The following NLRP5 variants were observed in gnomAD, a reference collection of about 807,000 sequenced individuals.
NLRP5 encodes NACHT, LRR and PYD domains-containing protein 5.
In NLRP5, 93 loss-of-function variants were observed where a neutral mutation model predicts 113.1. The observed-to-expected ratio is 0.82, with a 90% CI of 0.70 to 0.98. NLRP5 has a LOEUF of 0.98. NLRP5 is among the 50% of genes least tolerant of loss of function. NLRP5 has a pLI of 0.00. For missense variants in NLRP5, 1,808 were observed against 1,514.3 expected (o/e 1.19, Z -3.22); for synonymous variants, 751 against 600.7 (o/e 1.25, Z -3.66).
rs573553831 is a variant in NLRP5 at position 56,025,687 on chromosome 19, G to A, written c.680-1226G>A. On this transcript the variant is annotated intron_variant, in intron 6 of 14. Coordinates refer to ENST00000390649, the MANE Select transcript of NLRP5 (RefSeq NM_153447.4). ...AGCCTCCCAAAGTGCTGGGATTACA[G>A]GGGTGAGCCAGCACATCCGGCCATT... Among the ~76,000 whole-genome samples the A allele has an allele frequency of 8.1e-3, 1,237 of 152,152 alleles. 13 individuals carry two copies. Among genetic ancestry groups the A allele is most frequent in the South Asian group, 0.016 (79 of 4,814 alleles).
intron 12 of NLRP5, among the ~76,000 whole-genome samples, chr19:56,052,758 A>G (rs1476855017): frequency 6.6e-6 from 1 of 152,186 alleles, no homozygotes; most frequent in Non-Finnish European, 1.5e-5. Context: ...ATTTTTCCTA[A>G]GAATAGAAGC....
intron 14 of NLRP5, among the ~76,000 whole-genome samples, chr19:56,060,509 C>T (rs1161121674): frequency 7.2e-5 from 11 of 152,074 alleles, no homozygotes; most frequent in Non-Finnish European, 1.6e-4. Context: ...AGTAGTTTTG[C>T]TTAAAGTCAC....
At chr19:55,988,144 C>G in the NLRP5 span, 2 of 351,390 alleles carry the variant, frequency 5.7e-6, no homozygotes, top group Middle Eastern at 1.8e-3. Flanking sequence ...TGTAACCCAG[C>G]ACTATGGGAG....
At chr19:56,035,420 C>T (rs1296304360) in intron 9 of NLRP5, among the ~76,000 whole-genome samples, 1 of 152,228 alleles carries the variant, frequency 6.6e-6, no homozygotes, top group Non-Finnish European at 1.5e-5. Flanking sequence ...TGCCTGACAT[C>T]GTGTGGGGTT....
intron 10 of NLRP5, among the ~76,000 whole-genome samples, chr19:56,039,599 C>T (rs1206065893): frequency 1.3e-5 from 2 of 152,140 alleles, no homozygotes; most frequent in East Asian, 3.9e-4. Flanking sequence ...TTTCTGGAAT[C>T]ACTTCAGTGC....
intron 7 of NLRP5, among the ~76,000 whole-genome samples, chr19:56,029,950 G>T (rs1983029387): frequency 6.6e-6 from 1 of 151,514 alleles, no homozygotes; most frequent in South Asian, 2.1e-4. Flanking sequence ...AGCTACTCAG[G>T]ACGTTGAGGC....
rs1984347025 is a variant in NLRP5, at chr19:56,061,397, C to G, written c.3472C>G (p.Leu1158Val). 6.2e-7 allele frequency: 1 copy of G among 1,613,624 alleles called. No homozygotes were observed. The highest frequency in any genetic ancestry group is 8.5e-7 in the Non-Finnish European group (1 of 1,179,686). Reference sequence around the variant, plus strand: ...CGAGTCCTCTCTCTGCCTCCCCAGGCTGTGGAAATGGCAGTACCCTGTGCA... The same window carrying G: ...CGAGTCCTCTCTCTGCCTCCCCAGGGTGTGGAAATGGCAGTACCCTGTGCA... Residue 1158 changes from leucine (L) to valine (V), a missense_variant and splice_region_variant, in exon 15 of 15, where the codon CTG (leucine) becomes GTG (valine). By Grantham distance (32) the Leu-to-Val change is conservative. Transcript: ENST00000390649.
chr19:56,005,527 C>T (rs1224801729), intron 2 of NLRP5, among the ~76,000 whole-genome samples: 1 of 126,090 alleles, frequency 7.9e-6, no homozygotes, highest in Non-Finnish European at 1.7e-5. Context: ...TTTATACACA[C>T]ACACGCACAC....
At chr19:56,042,969 ATGTGTG>A (rs80248924) in intron 11 of NLRP5, among the ~76,000 whole-genome samples, 4 of 151,336 alleles carry the variant, frequency 2.6e-5, no homozygotes, top group South Asian at 2.1e-4. Flanking sequence ...TCATATATGT[ATGTGTG>A]TGTGTGTGTG....
chr19:56,037,211 T>A (rs754336501), intron 9 of NLRP5, among the ~76,000 whole-genome samples: 1 of 152,124 alleles, frequency 6.6e-6, no homozygotes, highest in Non-Finnish European at 1.5e-5. Flanking sequence ...CGTTCCTCTT[T>A]CGTAAATACT....
rs1435579061 is a variant in NLRP5, at chr19:56,028,286, C to A, written c.2053C>A (p.Leu685Met). 1.2e-6 allele frequency: 2 copies of A among 1,613,858 alleles called. No homozygotes were observed. The highest frequency in any genetic ancestry group is 1.3e-5 in the African/African-American group (1 of 74,920). The change falls in exon 7 of 15, where the codon CTG (leucine) becomes ATG (methionine). Residue 685 changes from leucine (L) to methionine (M), a missense_variant. Physicochemically the swap from Leu to Met is conservative, Grantham distance 15 (BLOSUM62 2). Transcript: ENST00000390649. The stretch of plus-strand genomic sequence containing the variant: ...TAATGCCACCACCCCAGGAGACACC[C>A]TGGACGCCTTCCACTGTCTTTTCGA...
intron 1 of NLRP5, chr19:55,999,810 C>G: frequency 1.3e-6 from 2 of 1,599,858 alleles, no homozygotes; most frequent in Non-Finnish European, 8.6e-7. Context: ...TTAGAGTTAC[C>G]TATGAGGAAA....
chr19:55,998,726 ATATGTG>A (rs1981470733), upstream of NLRP5, among the ~76,000 whole-genome samples: 11 of 140,994 alleles, frequency 7.8e-5, 1 homozygote, highest in African/African-American at 2.7e-4. Context: ...ATATATATAT[ATATGTG>A]TATATATATA....
chr19:55,998,698 ATATATGTGTG>A (rs1364292762), upstream of NLRP5, among the ~76,000 whole-genome samples: 1 of 76,072 alleles, frequency 1.3e-5, no homozygotes, highest in Non-Finnish European at 2.6e-5. Flanking sequence ...ATATATATAT[ATATATGTGTG>A]TGTGTGTATA....
chr19:56,031,349 A>C (rs1186053973), intron 7 of NLRP5, among the ~76,000 whole-genome samples: 2 of 152,022 alleles, frequency 1.3e-5, no homozygotes, highest in African/African-American at 4.8e-5. Context: ...TCATGAGCCC[A>C]GTGTATTGGT....
At chr19:56,005,240 T>C (rs1415260589) in intron 2 of NLRP5, among the ~76,000 whole-genome samples, 2 of 140,898 alleles carry the variant, frequency 1.4e-5, no homozygotes, top group African/African-American at 5.3e-5. Context: ...TTTTTATATA[T>C]ACACACATAT....
rs551151559 is a variant in NLRP5, at chr19:56,040,062, T to C, written c.2787-860T>C. On this transcript the variant is annotated intron_variant, in intron 10 of 14. Transcript: ENST00000390649. ...ACCTCCCAGGCTCCAGGGATCCTCC[T>C]GCCTCAGCTTCCCAAGTAGCTGGGA... Among the ~76,000 whole-genome samples, 58 of 152,266 alleles carry C rather than the reference T, an allele frequency of 3.8e-4. No individual in the cohort carries two copies. The East Asian group carries it at 0.011, about 29-fold the overall frequency.
intron 3 of NLRP5, among the ~76,000 whole-genome samples, chr19:56,010,766 A>G (rs1011831961): frequency 7.5e-6 from 1 of 133,684 alleles, no homozygotes; most frequent in African/African-American, 2.8e-5. Flanking sequence ...GTCCCTTGAA[A>G]CTAAGCCAAC....
chr19:56,045,520 C>G (rs774502164), intron 11 of NLRP5, among the ~76,000 whole-genome samples: 1 of 152,004 alleles, frequency 6.6e-6, no homozygotes, highest in Non-Finnish European at 1.5e-5. Flanking sequence ...ATTAACTCAT[C>G]ATTTAACATT....
Sources: gnomAD v4.1 joint callset for allele counts (sites outside exome capture counted in the v4.1 genomes callset) on GRCh38, gnomAD v4.1.1 for gene constraint, MANE v1.5 for transcripts, NCBI Gene and HGNC (gene_info 2026-07-23, HGNC 2026-07-21) for gene names.